The following PYY variants were observed in gnomAD, a reference collection of about 807,000 sequenced individuals.
The protein encoded by PYY is peptide tyrosine tyrosine.
PYY carries 12 observed loss-of-function variants against 10.3 expected under a neutral mutation model. That is an observed-to-expected ratio of 1.17 (90% confidence interval 0.75 to 1.89). The LOEUF (loss-of-function observed/expected upper bound fraction) is 1.89, where lower values mean the gene tolerates loss of function less well. Among genes scored for constraint, PYY ranks in the 40% most tolerant of loss-of-function variants. The probability of loss-of-function intolerance (pLI) is 0.00; values close to 1 mark genes in which losing one functional copy is unlikely to be tolerated. For synonymous variants in PYY, 66 were observed against 62.0 expected (o/e 1.06, Z -0.30); for missense variants, 141 against 134.0 (o/e 1.05, Z -0.26).
intron 1 of PYY, among the ~76,000 whole-genome samples, chr17:43,999,792 T>C (rs1003928598): frequency 6.8e-6 from 1 of 148,004 alleles, no homozygotes; most frequent in Non-Finnish European, 1.5e-5. Context: ...AGAAAAGAAG[T>C]TTTGTTAAGA....
intron 1 of PYY, among the ~76,000 whole-genome samples, chr17:43,968,946 AAAAATATAAAAATTAG>A (rs1175464462): frequency 6.6e-6 from 1 of 151,662 alleles, no homozygotes; most frequent in Admixed American, 6.6e-5. Context: ...TGTCTCTACT[AAAAATATAAAAATTAG>A]CCAGGCATGG....
chr17:43,965,653 T>C (rs933106441), intron 2 of PYY, among the ~76,000 whole-genome samples: 1 of 150,748 alleles, frequency 6.6e-6, no homozygotes, highest in South Asian at 2.1e-4. Flanking sequence ...CCAGGCATGG[T>C]GGTGTGTGCC....
At chr17:43,989,132 C>T (rs535838343) in intron 1 of PYY, among the ~76,000 whole-genome samples, 261 of 151,864 alleles carry the variant, frequency 1.7e-3, no homozygotes, top group Non-Finnish European at 3.1e-3. Flanking sequence ...CCCAAGACTT[C>T]GGGAGGCCAA....
At chr17:43,959,539 G>A (rs1032871291) in intron 2 of PYY, among the ~76,000 whole-genome samples, 3 of 152,140 alleles carry the variant, frequency 2.0e-5, no homozygotes, top group African/African-American at 4.8e-5. Context: ...AAAATTAGCT[G>A]GGTATGGTGA....
At chr17:43,959,879 C>A (rs1269253449) in intron 2 of PYY, among the ~76,000 whole-genome samples, 4 of 152,206 alleles carry the variant, frequency 2.6e-5, no homozygotes. Flanking sequence ...GGTGCAGAAA[C>A]TCAAGTCCTG....
chr17:43,995,698 G>GT (rs566618669), intron 1 of PYY, among the ~76,000 whole-genome samples: 63 of 152,124 alleles, frequency 4.1e-4, no homozygotes, highest in Middle Eastern at 6.8e-3. Context: ...GCCGGGTGTG[G>GT]TGGCAGGCGC....
intron 1 of PYY, among the ~76,000 whole-genome samples, chr17:43,972,077 A>C (rs2048797241): frequency 6.6e-6 from 1 of 152,016 alleles, no homozygotes; most frequent in African/African-American, 2.4e-5. Context: ...TATTGTTCAG[A>C]CACCATTATT....
intron 1 of PYY, among the ~76,000 whole-genome samples, chr17:43,998,199 A>G (rs1002964533): frequency 6.6e-6 from 1 of 151,660 alleles, no homozygotes; most frequent in African/African-American, 2.4e-5. Flanking sequence ...TTGGCCTCCC[A>G]AAGTATTGGG....
At chr17:43,985,764 T>C (rs962436428) in intron 1 of PYY, among the ~76,000 whole-genome samples, 13 of 152,192 alleles carry the variant, frequency 8.5e-5, no homozygotes, top group Non-Finnish European at 1.9e-4. Context: ...GAACAAATTA[T>C]AGTATAAATG....
intron 1 of PYY, among the ~76,000 whole-genome samples, chr17:43,984,297 T>C (rs1042824329): frequency 2.0e-5 from 3 of 152,184 alleles, no homozygotes; most frequent in Non-Finnish European, 4.4e-5. Context: ...CTTTTCCTTG[T>C]GGCCCTCTAC....
chr17:43,976,237 GTA>G lies in PYY; in HGVS notation c.-462-9707_-462-9706del, dbSNP rs1268152686. On this transcript the variant is annotated intron_variant, in intron 1 of 6. Coordinates refer to the PYY transcript ENST00000360085. ...TATATGTATACATATATACATATGC[GTA>G]TATATACACATATGTATACATGTAT... Among the ~76,000 whole-genome samples, 27 of 127,914 alleles carry G rather than the reference GTA, an allele frequency of 2.1e-4. 1 individual carries two copies. Among genetic ancestry groups the G allele is most frequent in the African/African-American group, 7.6e-4 (24 of 31,574 alleles). The allele number at this position is 127,914 out of a possible 152,430, so 83.9% of individuals were successfully genotyped here.
In PYY at chr17:43,997,905, G is replaced by GA. The variant is rs962140161; in HGVS notation, c.-463+6485dup. On this transcript the variant is annotated intron_variant, in intron 1 of 6. Transcript: ENST00000360085. ...TACTGACTAATTGGACATAGGGTAT[G>GA]AAAAAAAAAATCAAGAATGACCATA... Among the ~76,000 whole-genome samples, 187 of 149,524 alleles carry GA rather than the reference G, an allele frequency of 1.3e-3. 1 individual carries two copies. Among genetic ancestry groups the GA allele is most frequent in the African/African-American group, 4.1e-3 (166 of 40,808 alleles).
intron 2 of PYY, among the ~76,000 whole-genome samples, chr17:43,962,454 CTTA>C (rs2048718634): frequency 1.2e-5 from 1 of 85,198 alleles, no homozygotes; most frequent in South Asian, 3.3e-4. Context: ...GTTACTTTTT[CTTA>C]TGTGAGAATG....
chr17:43,964,580 G>A (rs994457878), intron 2 of PYY, among the ~76,000 whole-genome samples: 3 of 152,136 alleles, frequency 2.0e-5, no homozygotes, highest in Non-Finnish European at 2.9e-5. Flanking sequence ...GAGAAACCCC[G>A]TCTCTACTAA....
At chr17:43,982,309 A>G (rs1335862135) in intron 1 of PYY, among the ~76,000 whole-genome samples, 1 of 152,238 alleles carries the variant, frequency 6.6e-6, no homozygotes, top group Non-Finnish European at 1.5e-5. Flanking sequence ...TGAGGCTAGG[A>G]TGGGGCAAAA....
chr17:43,952,815 C>T lies in PYY; in HGVS notation c.*141G>A. 3.3e-6 allele frequency: 3 copies of T among 912,256 alleles called. No individual in the cohort carries two copies. Among genetic ancestry groups the T allele is most frequent in the African/African-American group, 1.7e-5 (1 of 58,380 alleles). The allele number at this position is 912,256 out of a possible 1,614,324, so 56.5% of individuals were successfully genotyped here. On this transcript the variant is annotated 3_prime_UTR_variant, in exon 4 of 4. Transcript: ENST00000692052. The stretch of plus-strand genomic sequence containing the variant: ...CCTCCAGCCCAGGGGGCGGGGGCAC[C>T]GAGACGCGGGCGGAGGGCCGCACCC...
rs1340090120 is a variant in PYY, at chr17:43,952,864, C to G, written c.*92G>C. The G allele has an allele frequency of 7.2e-7, 1 of 1,385,604 alleles. No individual in the cohort carries two copies. The highest frequency in any genetic ancestry group is 9.7e-7 in the Non-Finnish European group (1 of 1,034,980). 85.8% of individuals were successfully genotyped at this position (1,385,604 alleles called of 1,614,324 possible). A position where few individuals can be genotyped will look rare whatever the true frequency, so the allele number is the denominator to read the frequency against. On this transcript the variant is annotated 3_prime_UTR_variant, in exon 4 of 4. Transcript: ENST00000692052. ...CCGAACCCTGCCCAGACGCCGCCGT[C>G]GGGAGGCAGAATCCGGGTTTCTGGG...
intron 1 of PYY, among the ~76,000 whole-genome samples, chr17:43,985,691 A>G (rs1229178105): frequency 1.3e-5 from 2 of 152,348 alleles, no homozygotes; most frequent in South Asian, 2.1e-4. Flanking sequence ...CTATTCATCA[A>G]TGTGATGAAC....
chr17:43,999,646 T>C lies in PYY; in HGVS notation c.-463+4745A>G, dbSNP rs9913572. Among the ~76,000 whole-genome samples the C allele has an allele frequency of 2.9e-3, 439 of 151,862 alleles. 1 individual carries two copies. Among genetic ancestry groups the C allele is most frequent in the African/African-American group, 8.9e-3 (368 of 41,374 alleles). On this transcript the variant is annotated intron_variant, in intron 1 of 6. Transcript: ENST00000360085. ...AGCCAGGCGTGGTGGCGCGTGCCTG[T>C]AATCCCAGCTACTCGGGAGGATGAG...
Sources: allele counts gnomAD v4.1 joint callset (sites outside exome capture counted in the v4.1 genomes callset), GRCh38; gene constraint gnomAD v4.1.1; transcripts MANE v1.5; gene names NCBI Gene and HGNC (gene_info 2026-07-23, HGNC 2026-07-21).